The following ITGA3 variants were observed in gnomAD, a reference collection of about 807,000 sequenced individuals.
ITGA3 encodes the protein integrin subunit alpha 3, also known as integrin alpha-3.
ITGA3 carries 70 observed loss-of-function variants against 131.1 expected under a neutral mutation model. The ratio of observed to expected loss-of-function variants is 0.53; its 90% CI spans 0.44 to 0.65. The LOEUF (loss-of-function observed/expected upper bound fraction) is 0.65, where lower values mean the gene tolerates loss of function less well. Among genes scored for constraint, ITGA3 ranks in the 30% least tolerant of loss-of-function variants. The pLI is 0.00. For missense variants in ITGA3, 1,098 were observed against 1,388.6 expected, an observed-to-expected ratio of 0.79 and a Z score of 3.33; for synonymous variants, 537 against 571.6, an observed-to-expected ratio of 0.94 and a Z score of 0.86.
chr17:50,079,045 A>G (rs927602539), intron 19 of ITGA3, 31 bp from the exon 20 acceptor site: 5 of 1,603,258 alleles, frequency 3.1e-6, no homozygotes, highest in Non-Finnish European at 4.3e-6. Flanking sequence ...TTTCCAGGAG[A>G]TAATGACTAT....
intron 4 of ITGA3, among the ~76,000 whole-genome samples, chr17:50,070,317 T>C (rs186770745): frequency 3.3e-5 from 5 of 152,288 alleles, no homozygotes; most frequent in Non-Finnish European, 7.4e-5. Flanking sequence ...GCCTCACTTA[T>C]CTGCAAAATG....
rs1263914842 is a variant in ITGA3, at chr17:50,075,491, A to G, written c.1502A>G (p.Gln501Arg). 1.9e-6 allele frequency: 3 copies of G among 1,614,242 alleles called. No individual in the cohort carries two copies. In the Admixed American group the frequency reaches 5.0e-5, roughly 27 times the overall value. The change falls in exon 11 of 26, where the codon CAG (glutamine) becomes CGG (arginine). Residue 501 changes from glutamine (Q) to arginine (R), a missense_variant. Around this residue, in one of 3 missense-constraint regions of ITGA3, gnomAD observed 699 missense variants for 829.2 expected, o/e 0.84. Coordinates refer to ENST00000320031, the MANE Select transcript of ITGA3 (RefSeq NM_002204.4). ...VQVELCFAYN[Q>R]SAGNPNYRRN... ...GTGGAGCTGTGCTTTGCTTACAACC[A>G]GAGTGCCGGGAACCCCAACTACAGG...
rs1000623791 is a variant in ITGA3, at chr17:50,061,140, C to T, written c.207-2937C>T. On this transcript the variant is annotated intron_variant, in intron 1 of 25. Coordinates refer to ENST00000320031, the MANE Select transcript of ITGA3 (RefSeq NM_002204.4). ...CTAAAAATACTCTGGGGGGGTGAAG[C>T]GGGGGCTCACTCTGGAATCTCTGAG... 2.0e-5 allele frequency among the ~76,000 whole-genome samples: 3 copies of T among 151,938 alleles called. No homozygotes were observed. The East Asian group carries it at 5.8e-4, about 29-fold the overall frequency.
intron 1 of ITGA3, chr17:50,063,728 C>A: frequency 3.6e-6 from 1 of 276,310 alleles, no homozygotes; most frequent in Non-Finnish European, 6.9e-6. Context: ...GCTTCCTGGC[C>A]CTGCACATGT....
intron 23 of ITGA3, 66 bp downstream of exon 23, chr17:50,081,474 A>C (rs1472373827): frequency 2.6e-6 from 3 of 1,166,820 alleles, no homozygotes; most frequent in Non-Finnish European, 3.8e-6. Flanking sequence ...GGCATCTTTT[A>C]AGAGGACACT....
At position 50,060,145 on chromosome 17, in the gene ITGA3, G is replaced by T. The variant is rs547973681; in HGVS notation, c.206+3500G>T. Among the ~76,000 whole-genome samples, 120 of 152,302 alleles carry T rather than the reference G, an allele frequency of 7.9e-4. No homozygotes were observed. The South Asian group carries it at 0.022, about 28-fold the overall frequency. On this transcript the variant is annotated intron_variant, in intron 1 of 25. Transcript: ENST00000320031. ...CCCTTCTCTGGGGCTCAGAGGTGGA[G>T]CAGGCACCCTCCCCACCTGCCTCCC... is the stretch of plus-strand genomic sequence containing the variant.
Position 50,090,021 on chromosome 17 carries a change from A to C in ITGA3, c.*943A>C. The C allele has an allele frequency of 3.8e-6, 1 of 264,870 alleles. No homozygotes were observed. Among genetic ancestry groups the C allele is most frequent in the Non-Finnish European group, 7.8e-6 (1 of 127,748 alleles). 16.4% of individuals were successfully genotyped at this position (264,870 alleles called of 1,614,324 possible). On this transcript the variant is annotated 3_prime_UTR_variant, in exon 26 of 26. Transcript: ENST00000320031. Reference sequence around the variant, plus strand: ...CACGGCGGGATCCTCCACAGAGAGGAGGGGACCAATTCTGGACAGACAGAT... The same window carrying C: ...CACGGCGGGATCCTCCACAGAGAGGCGGGGACCAATTCTGGACAGACAGAT...
chr17:50,072,152 A>G lies in ITGA3; in HGVS notation c.1126A>G (p.Ile376Val). 11 of 1,613,734 alleles carry G rather than the reference A, an allele frequency of 6.8e-6. No individual in the cohort carries two copies. The highest frequency in any genetic ancestry group is 9.3e-6 in the Non-Finnish European group (11 of 1,179,948). Residue 376 changes from isoleucine to valine, a missense_variant, in exon 7 of 26, where the codon ATT becomes GTT. Ile to Val is a conservative substitution (Grantham distance 29). Transcript: ENST00000320031. ...GSAFGLSVASIGDINQDGFQD... is the reference protein window; with the variant it reads ...GSAFGLSVASVGDINQDGFQD... The stretch of plus-strand genomic sequence containing the variant: ...TGCCTTTGGTTTATCTGTGGCCAGC[A>G]TTGGTGACATCAACCAGGATGGATT...
chr17:50,059,832 G>C (rs944481466), intron 1 of ITGA3, among the ~76,000 whole-genome samples: 2 of 152,226 alleles, frequency 1.3e-5, no homozygotes, highest in African/African-American at 4.8e-5. Flanking sequence ...GCCAAGGAAA[G>C]GGAGCAGAAC....
chr17:50,065,658 A>G (rs1178021461), intron 3 of ITGA3: 1 of 151,922 alleles, frequency 6.6e-6, no homozygotes, highest in African/African-American at 2.4e-5. Context: ...TGATGGCAGC[A>G]GGCAAAGAGA....
intron 1 of ITGA3, chr17:50,063,768 T>C: frequency 2.8e-6 from 1 of 358,588 alleles, no homozygotes; most frequent in Non-Finnish European, 5.2e-6. Context: ...CTTCCTCCCC[T>C]TCTTCACCTG....
At chr17:50,076,182 C>T (rs1199096892) in intron 12 of ITGA3, 144 bp from the exon 13 acceptor site, 9 of 879,360 alleles carry the variant, frequency 1.0e-5, no homozygotes, top group Admixed American at 2.7e-5. Context: ...ATTTGGCGAC[C>T]GGACTGGAGG....
rs769624462 is a variant in ITGA3 at position 50,076,394 on chromosome 17, C to A, written c.1743C>A (p.Pro581=). The change falls in exon 13 of 26, where the codon CCC becomes CCA. Residue 581 remains proline (P), a synonymous_variant. Coordinates refer to ENST00000320031, the MANE Select transcript of ITGA3 (RefSeq NM_002204.4). ...SMNYSLPLRM[P]DRPRLGLRSL... is the part of the protein sequence containing the mutation. ...ACTACTCTTTACCTTTGCGGATGCC[C>A]GATCGCCCCCGGCTGGGGCTGCGGT... is the stretch of plus-strand genomic sequence containing the variant. 4.3e-6 allele frequency: 7 copies of A among 1,613,012 alleles called. No homozygotes were observed. The Admixed American group carries it at 1.2e-4, about 27-fold the overall frequency.
At chr17:50,067,068 T>A (rs1336771781) in intron 3 of ITGA3, among the ~76,000 whole-genome samples, 3 of 152,186 alleles carry the variant, frequency 2.0e-5, no homozygotes, top group Non-Finnish European at 4.4e-5. Context: ...TTAAAGTGAT[T>A]CTGCACCCTG....
Position 50,079,105 on chromosome 17 carries a change from C to T in ITGA3, c.2430C>T (p.Gly810=). 6.2e-7 allele frequency: 1 copy of T among 1,613,662 alleles called. No homozygotes were observed. The highest frequency in any genetic ancestry group is 8.5e-7 in the Non-Finnish European group (1 of 1,179,892). ...QVGPMGEGLV[G]LGTLVLGLEW... ...GCCCAATGGGGGAGGGGCTGGTGGG[C>T]CTGGGGACCCTGGTCCTAGGTCTGG... The change falls in exon 20 of 26, where the codon GGC becomes GGT. Residue 810 remains glycine (G), a synonymous_variant. Coordinates refer to ENST00000320031, the MANE Select transcript of ITGA3 (RefSeq NM_002204.4).
Position 50,075,628 on chromosome 17 carries a change from G to A in ITGA3, c.1567G>A (p.Asp523Asn). ...GGCCTACACTCTGGAGGCTGACAGG[G>A]ACCGCCGGCCGCCCCGGCTCCGCTT... ...TLAYTLEADR[D>N]RRPPRLRFAG... is the part of the protein sequence containing the mutation. Residue 523 changes from aspartate (D) to asparagine (N), a missense_variant, in exon 12 of 26, where the codon GAC becomes AAC. Asp to Asn is a conservative substitution (Grantham distance 23). Around this residue, in one of 3 missense-constraint regions of ITGA3, gnomAD observed 699 missense variants for 829.2 expected, o/e 0.84. Coordinates refer to ENST00000320031, the MANE Select transcript of ITGA3 (RefSeq NM_002204.4). 1.2e-6 allele frequency: 2 copies of A among 1,614,236 alleles called. No individual in the cohort carries two copies. The highest frequency in any genetic ancestry group is 1.6e-4 in the Middle Eastern group (1 of 6,062).
intron 1 of ITGA3, 110 bp from the exon 2 acceptor site, chr17:50,063,967 G>A: frequency 7.0e-7 from 1 of 1,427,886 alleles, no homozygotes; most frequent in Non-Finnish European, 9.4e-7. Flanking sequence ...GCAGGAGCTG[G>A]GGGTCTCCTG....
chr17:50,083,447 G>T (rs1909263726), intron 23 of ITGA3, among the ~76,000 whole-genome samples: 1 of 152,126 alleles, frequency 6.6e-6, no homozygotes, highest in Non-Finnish European at 1.5e-5. Context: ...AAAGAGGCTG[G>T]GCACGGTGGC....
chr17:50,067,038 G>A (rs569860835), intron 3 of ITGA3, among the ~76,000 whole-genome samples: 58 of 152,138 alleles, frequency 3.8e-4, no homozygotes, highest in Non-Finnish European at 7.8e-4. Flanking sequence ...GTTATGGATG[G>A]CTGTGGTCTA....
Sources: gnomAD v4.1 joint callset for allele counts (sites outside exome capture counted in the v4.1 genomes callset) on GRCh38, gnomAD v4.1.1 for gene constraint, gnomAD v4.1.1 regional missense constraint, MANE v1.5 for transcripts, NCBI Gene and HGNC (gene_info 2026-07-23, HGNC 2026-07-21) for gene names.